Variants in NFATC3 observed in about 807,000 individuals in gnomAD.
The protein encoded by NFATC3 is nuclear factor of activated T cells 3, also known as nuclear factor of activated T-cells, cytoplasmic 3.
A neutral mutation model predicts 98.6 loss-of-function variants in NFATC3; 46 were observed. The ratio of observed to expected loss-of-function variants is 0.47; its 90% confidence interval spans 0.37 to 0.60. NFATC3 has a LOEUF of 0.60. Among genes scored for constraint, NFATC3 ranks in the 20% least tolerant of loss-of-function variants. NFATC3 has a pLI of 0.00. For missense variants in NFATC3, 1,256 were observed against 1,295.5 expected, an observed-to-expected ratio of 0.97 and a Z score of 0.47; for synonymous variants, 512 against 472.2, an observed-to-expected ratio of 1.08 and a Z score of -1.09.
intron 8 of NFATC3, 41 bp from the exon 9 acceptor site, chr16:68,190,727 G>A (rs777832060): frequency 3.1e-5 from 47 of 1,537,604 alleles, no homozygotes; most frequent in Non-Finnish European, 4.0e-5. Flanking sequence ...ATAATTTTAT[G>A]TATTGTATAA....
intron 8 of NFATC3, among the ~76,000 whole-genome samples, chr16:68,188,357 G>A (rs981908203): frequency 1.3e-5 from 2 of 152,186 alleles, no homozygotes; most frequent in Non-Finnish European, 2.9e-5. Context: ...CGCCAAGAGC[G>A]CAGGGATGCC....
intron 4 of NFATC3, among the ~76,000 whole-genome samples, chr16:68,158,514 G>T (rs2038726177): frequency 6.6e-6 from 1 of 152,176 alleles, no homozygotes; most frequent in Non-Finnish European, 1.5e-5. Flanking sequence ...TGTACAAAAG[G>T]ATTATATATA....
At chr16:68,105,849 T>C (rs754420688) in intron 1 of NFATC3, among the ~76,000 whole-genome samples, 9 of 152,284 alleles carry the variant, frequency 5.9e-5, no homozygotes, top group South Asian at 2.1e-4. Flanking sequence ...CTAGATTGTC[T>C]AATTTGTTGG....
At chr16:68,219,486 G>A (rs185856818) in intron 9 of NFATC3, among the ~76,000 whole-genome samples, 1,681 of 152,248 alleles carry the variant, frequency 0.011, 16 homozygotes, top group Non-Finnish European at 0.016. Context: ...AGGATCGCTT[G>A]AGCCTAGGAG....
intron 1 of NFATC3, among the ~76,000 whole-genome samples, chr16:68,088,392 C>A (rs1014835266): frequency 7.0e-6 from 1 of 143,488 alleles, no homozygotes. Flanking sequence ...ATGTATATTT[C>A]ATATATAATA....
At chr16:68,111,245 G>T (rs745490054) in intron 1 of NFATC3, among the ~76,000 whole-genome samples, 1 of 152,188 alleles carries the variant, frequency 6.6e-6, no homozygotes, top group Non-Finnish European at 1.5e-5. Flanking sequence ...CACTATTGTT[G>T]TGTGGGAGTC....
In NFATC3 at chr16:68,088,895, C is replaced by T. The variant is rs994804548; in HGVS notation, c.103+3111C>T. ...CTATGTTGCCCAGGCTAGTCTGGAA[C>T]TCCTGGGCTCTCCTGTTCTGGCTTC... On this transcript the variant is annotated intron_variant, in intron 1 of 9. Coordinates refer to ENST00000346183, the MANE Select transcript of NFATC3 (RefSeq NM_173165.3). 3.9e-6 allele frequency: 3 copies of T among 768,720 alleles called. No individual in the cohort carries two copies. In the African/African-American group the frequency reaches 5.7e-5, roughly 15 times the overall value. The allele number at this position is 768,720 out of a possible 1,614,324, so 47.6% of individuals were successfully genotyped here.
intron 1 of NFATC3, among the ~76,000 whole-genome samples, chr16:68,095,958 A>C (rs944602773): frequency 6.6e-6 from 1 of 152,172 alleles, no homozygotes; most frequent in African/African-American, 2.4e-5. Context: ...TGAGATAGTA[A>C]AGTGTTTTTT....
At chr16:68,113,282 G>GTGTTGA (rs1044547398) in intron 1 of NFATC3, among the ~76,000 whole-genome samples, 5 of 152,146 alleles carry the variant, frequency 3.3e-5, no homozygotes, top group African/African-American at 1.2e-4. Flanking sequence ...GGGATCTTTT[G>GTGTTGA]TGTTGATGTT....
intron 9 of NFATC3, chr16:68,209,923 T>C: frequency 5.2e-6 from 1 of 191,682 alleles, no homozygotes; most frequent in South Asian, 7.2e-5. Context: ...CCTAGCACTT[T>C]GGGAGGCCGA....
intron 1 of NFATC3, among the ~76,000 whole-genome samples, chr16:68,107,303 G>A (rs1461536810): frequency 6.6e-6 from 1 of 152,186 alleles, no homozygotes; most frequent in Non-Finnish European, 1.5e-5. Flanking sequence ...TTGGTTCTAG[G>A]TCTTTGGGAG....
At chr16:68,171,201 G>A (rs907130493) in intron 5 of NFATC3, among the ~76,000 whole-genome samples, 2 of 151,852 alleles carry the variant, frequency 1.3e-5, no homozygotes, top group African/African-American at 4.8e-5. Context: ...TAGAGATGGG[G>A]TTTCACCATG....
Position 68,174,376 on chromosome 16 carries a change from C to A in NFATC3, c.1777C>A (p.Gln593Lys). The A allele has an allele frequency of 6.9e-7, 1 of 1,456,216 alleles. No homozygotes were observed. Among genetic ancestry groups the A allele is most frequent in the Middle Eastern group, 1.8e-4 (1 of 5,474 alleles). 90.2% of individuals were successfully genotyped at this position (1,456,216 alleles called of 1,614,324 possible). A position where few individuals can be genotyped will look rare whatever the true frequency, so the allele number is the denominator to read the frequency against. Residue 593 changes from glutamine (Q) to lysine (K), a missense_variant and splice_region_variant, in exon 6 of 10, where the codon CAG becomes AAG. Around this residue, in one of 3 missense-constraint regions of NFATC3, gnomAD observed 636 missense variants for 617.3 expected, o/e 1.03. Transcript: ENST00000346183. ...QIASIPVECS[Q>K]RSAQELPHIE... The stretch of plus-strand genomic sequence containing the variant: ...CTCTTTAAAAAAATTTAAAACAGCC[C>A]AGCGGTCTGCTCAAGAACTTCCTCA...
chr16:68,171,197 T>TG (rs1567532314), intron 5 of NFATC3, among the ~76,000 whole-genome samples: 1 of 152,000 alleles, frequency 6.6e-6, no homozygotes, highest in East Asian at 1.9e-4. Flanking sequence ...TCAATAGAGA[T>TG]GGGGTTTCAC....
intron 9 of NFATC3, among the ~76,000 whole-genome samples, chr16:68,195,343 T>C (rs935960836): frequency 6.6e-6 from 1 of 152,002 alleles, no homozygotes; most frequent in South Asian, 2.1e-4. Context: ...TCAGGGGACT[T>C]AATAGAAGCT....
At chr16:68,153,201 A>C (rs1397274676) in intron 3 of NFATC3, among the ~76,000 whole-genome samples, 4 of 152,180 alleles carry the variant, frequency 2.6e-5, no homozygotes, top group African/African-American at 7.2e-5. Context: ...CAGGTGGATC[A>C]CCTGAGGCCA....
intron 9 of NFATC3, among the ~76,000 whole-genome samples, chr16:68,218,514 CA>C (rs1326968858): frequency 0.28 from 16,609 of 59,442 alleles, 1,077 homozygotes; most frequent in African/African-American, 0.35. Flanking sequence ...GAGAGCCTCT[CA>C]AAAAAAAAAA....
intron 8 of NFATC3, among the ~76,000 whole-genome samples, chr16:68,188,216 G>C (rs2040290185): frequency 6.6e-6 from 1 of 152,202 alleles, no homozygotes; most frequent in African/African-American, 2.4e-5. Context: ...GCATCTCTGA[G>C]CTGTTGCGGG....
chr16:68,087,396 C>G (rs974646793), intron 1 of NFATC3, among the ~76,000 whole-genome samples: 2 of 152,094 alleles, frequency 1.3e-5, no homozygotes, highest in East Asian at 3.8e-4. Flanking sequence ...CTTTACCATA[C>G]GCAAAAGCCA....
Sources: gnomAD v4.1 joint callset for allele counts (sites outside exome capture counted in the v4.1 genomes callset) on GRCh38, gnomAD v4.1.1 for gene constraint, gnomAD v4.1.1 regional missense constraint, MANE v1.5 for transcripts, NCBI Gene and HGNC (gene_info 2026-07-23, HGNC 2026-07-21) for gene names.